Variants in PACS2 observed in about 807,000 individuals in gnomAD.
The protein encoded by PACS2 is phosphofurin acidic cluster sorting protein 2, also known as PACS1-like protein.
PACS2 carries 36 observed loss-of-function variants against 113.0 expected under a neutral mutation model. That is an observed-to-expected ratio of 0.32 (90% CI 0.24 to 0.42). PACS2 has a LOEUF of 0.42. Ranked by LOEUF, PACS2 falls within the 10% of genes least tolerant of loss-of-function variation. The pLI, the probability that PACS2 is intolerant of heterozygous loss-of-function variation, is 1.00. For missense variants in PACS2, 1,015 were observed against 1,239.5 expected (o/e 0.82, Z 2.72); for synonymous variants, 589 against 536.1 (o/e 1.10, Z -1.36).
chr14:105,393,065 G>A (rs2081415073), intron 23 of PACS2, among the ~76,000 whole-genome samples, 157 bp from the exon 24 acceptor site: 1 of 152,222 alleles, frequency 6.6e-6, no homozygotes, highest in African/African-American at 2.4e-5. Flanking sequence ...GTGGGCAGGA[G>A]AGCAGCTGTC....
In PACS2 at chr14:105,392,613, T is replaced by C. The variant is rs1595192484; in HGVS notation, c.2256-6T>C. ...AGGTGTGAATGCCTCCCTCTGCCTT[T>C]CCCAGCCAGGGTGTCGGCGCCGAGC... On this transcript the variant is annotated splice_polypyrimidine_tract_variant and splice_region_variant and intron_variant, in intron 22 of 24. Coordinates refer to ENST00000447393, the MANE Select transcript of PACS2 (RefSeq NM_001100913.3). 1.3e-6 allele frequency: 2 copies of C among 1,598,424 alleles called. No homozygotes were observed. The highest frequency in any genetic ancestry group is 1.1e-5 in the South Asian group (1 of 88,884).
chr14:105,381,082 TGTC>T lies in PACS2; in HGVS notation c.1252_1254del (p.Val418del). Reference sequence around the variant, plus strand: ...GGAGGATCACCAAGACAGAGTCCCTTGTCATCCCCTCCACCAGGTGATGGGGGC... The same window carrying T: ...GGAGGATCACCAAGACAGAGTCCCTTATCCCCTCCACCAGGTGATGGGGGC... On this transcript the variant is annotated inframe_deletion, in exon 12 of 25. Coordinates refer to ENST00000447393, the MANE Select transcript of PACS2 (RefSeq NM_001100913.3). 6.2e-7 allele frequency: 1 copy of T among 1,611,550 alleles called. No homozygotes were observed. The highest frequency in any genetic ancestry group is 1.3e-5 in the African/African-American group (1 of 74,954).
intron 9 of PACS2, 99 bp downstream of exon 9, chr14:105,377,024 G>T: frequency 7.7e-7 from 1 of 1,299,748 alleles, no homozygotes; most frequent in Non-Finnish European, 1.0e-6. Context: ...CTGGAGACGG[G>T]GTGGGCAGGG....
chr14:105,336,023 T>A (rs900794510), intron 1 of PACS2, among the ~76,000 whole-genome samples: 2 of 152,216 alleles, frequency 1.3e-5, no homozygotes, highest in Non-Finnish European at 2.9e-5. Context: ...GTGACATTCC[T>A]CTGCCCAGGG....
At chr14:105,375,784 G>A (rs782403154) in intron 8 of PACS2, among the ~76,000 whole-genome samples, 4 of 152,198 alleles carry the variant, frequency 2.6e-5, no homozygotes, top group Admixed American at 6.5e-5. Context: ...ACTTCAGGGA[G>A]GTGAACACAC....
chr14:105,375,809 ACT>A (rs1555410294), intron 8 of PACS2, among the ~76,000 whole-genome samples: 1 of 152,162 alleles, frequency 6.6e-6, no homozygotes, highest in African/African-American at 2.4e-5. Flanking sequence ...GCATGGACCC[ACT>A]CAGACGTTCA....
At chr14:105,316,194 T>C (rs1180218219) in intron 1 of PACS2, among the ~76,000 whole-genome samples, 1 of 152,206 alleles carries the variant, frequency 6.6e-6, no homozygotes, top group Admixed American at 6.5e-5. Flanking sequence ...CCGGCACGAC[T>C]CTTGCACCTG....
intron 22 of PACS2, chr14:105,391,967 G>A (rs1305198598): frequency 3.4e-6 from 2 of 581,174 alleles, no homozygotes; most frequent in Non-Finnish European, 6.0e-6. Flanking sequence ...CAGGACCTCT[G>A]GGGGACAGAA....
chr14:105,349,286 C>T (rs901893045), intron 2 of PACS2, among the ~76,000 whole-genome samples: 3 of 152,256 alleles, frequency 2.0e-5, no homozygotes, highest in African/African-American at 7.2e-5. Flanking sequence ...CGGGCTCTCC[C>T]TAGCCGGCAC....
chr14:105,367,243 G>A lies in PACS2; in HGVS notation c.454G>A (p.Val152Met), dbSNP rs782705203. 8 of 1,613,022 alleles carry A rather than the reference G, an allele frequency of 5.0e-6. No homozygotes were observed. In the African/African-American group the frequency reaches 8.0e-5, roughly 16 times the overall value. Residue 152 changes from valine to methionine, a missense_variant, in exon 5 of 25, where the codon GTG (valine) becomes ATG (methionine). Val to Met is a conservative substitution (Grantham distance 21). Transcript: ENST00000447393. ...GCAACACCCGTCTGAAGGTGGCCAG[G>A]TGCTGAGCCTCTGCAGCAGCATCAA... ...VMQHPSEGGQ[V>M]LSLCSSIKEA...
chr14:105,389,573 A>T (rs2081287811), intron 19 of PACS2: 1 of 255,400 alleles, frequency 3.9e-6, no homozygotes, highest in Non-Finnish European at 7.9e-6. Context: ...AGGGGTGCCC[A>T]GCTTGGTGGG....
At position 105,317,291 on chromosome 14, in the gene PACS2, G is replaced by A. The variant is rs766460732; in HGVS notation, c.119+2254G>A. On this transcript the variant is annotated intron_variant, in intron 1 of 24. Transcript: ENST00000447393. This position sits in a 1 kb window ranked among gnomAD's most constrained non-coding sequence, Gnocchi z 4.2. ...CAAGCCCCGTGCTGCTGTGGACATC[G>A]TGTGCCAGTCTTCTGCGTGTGTCTT... Among the ~76,000 whole-genome samples, 5 of 152,060 alleles carry A rather than the reference G, an allele frequency of 3.3e-5. No homozygotes were observed. Among genetic ancestry groups the A allele is most frequent in the Admixed American group, 2.6e-4 (4 of 15,272 alleles).
intron 2 of PACS2, among the ~76,000 whole-genome samples, chr14:105,349,363 G>A (rs988280471): frequency 3.3e-5 from 5 of 152,222 alleles, no homozygotes; most frequent in Non-Finnish European, 2.9e-5. Context: ...GCCGTCCAGC[G>A]TGACAGGGTG....
At chr14:105,351,140 C>T (rs1029777547) in intron 2 of PACS2, among the ~76,000 whole-genome samples, 5 of 152,220 alleles carry the variant, frequency 3.3e-5, no homozygotes, top group African/African-American at 7.2e-5. Flanking sequence ...TCCCGCGCGC[C>T]GGCCTCCGGG....
intron 17 of PACS2, 44 bp downstream of exon 17, chr14:105,384,507 AG>A: frequency 7.5e-7 from 1 of 1,327,796 alleles, no homozygotes. Context: ...GGCGGGAGGA[AG>A]GGGCCCCGGT....
At chr14:105,392,410 C>T in intron 22 of PACS2, 1 of 586,216 alleles carries the variant, frequency 1.7e-6, no homozygotes. Context: ...CTCCTGTCGC[C>T]AGGGTCCCTG....
At chr14:105,303,460 G>A (rs893603007) in intron 1 of PACS2, among the ~76,000 whole-genome samples, 1 of 152,002 alleles carries the variant, frequency 6.6e-6, no homozygotes, top group Non-Finnish European at 1.5e-5. Flanking sequence ...AGCCAGGATG[G>A]TCTTGATCTC....
At chr14:105,321,870 C>T (rs2058899022) in intron 1 of PACS2, among the ~76,000 whole-genome samples, 5 of 151,018 alleles carry the variant, frequency 3.3e-5, no homozygotes, top group Admixed American at 3.3e-4. Flanking sequence ...TTTGTATATC[C>T]TTACATATTA....
At chr14:105,302,259 A>T (rs1300790994) in intron 1 of PACS2, among the ~76,000 whole-genome samples, 2 of 140,730 alleles carry the variant, frequency 1.4e-5, no homozygotes, top group Non-Finnish European at 3.0e-5. Flanking sequence ...GCTGGAGTGC[A>T]GTGGTGAGAT....
Sources: gnomAD v4.1 joint callset for allele counts (sites outside exome capture counted in the v4.1 genomes callset) on GRCh38, gnomAD v4.1.1 for gene constraint, Gnocchi (gnomAD v3.1) non-coding constraint, MANE v1.5 for transcripts, NCBI Gene and HGNC (gene_info 2026-07-23, HGNC 2026-07-21) for gene names.